PMS1: variants seen among roughly 807,000 people sequenced by gnomAD.
PMS1 encodes PMS1 protein homolog 1.
In PMS1, 79 loss-of-function variants were observed where a neutral mutation model predicts 93.1. The ratio of observed to expected loss-of-function variants is 0.85; its 90% CI spans 0.71 to 1.02. The LOEUF (loss-of-function observed/expected upper bound fraction) is 1.02. PMS1 is among the 50% of genes least tolerant of loss of function. The probability of loss-of-function intolerance (pLI) is 0.00; values close to 1 mark genes in which losing one functional copy is unlikely to be tolerated. For synonymous variants in PMS1, 335 were observed against 363.4 expected (o/e 0.92, Z 0.89); for missense variants, 1,064 against 1,085.3 (o/e 0.98, Z 0.28).
intron 2 of PMS1, among the ~76,000 whole-genome samples, chr2:189,793,761 A>G (rs937219358): frequency 6.6e-6 from 1 of 152,208 alleles, no homozygotes; most frequent in Non-Finnish European, 1.5e-5. Context: ...CTTGACATTT[A>G]CCAGTATTTG....
At chr2:189,807,738 A>G (rs556733142) in intron 4 of PMS1, among the ~76,000 whole-genome samples, 1 of 152,358 alleles carries the variant, frequency 6.6e-6, no homozygotes, top group Non-Finnish European at 1.5e-5. Flanking sequence ...TACCTTAAGT[A>G]AGTGAGACCA....
intron 2 of PMS1, among the ~76,000 whole-genome samples, chr2:189,793,483 A>G (rs1369608564): frequency 1.3e-5 from 2 of 152,244 alleles, no homozygotes; most frequent in African/African-American, 4.8e-5. Context: ...GAAAACAAGT[A>G]TATTAAATTA....
rs149684763 is a variant in PMS1 at position 189,871,695 on chromosome 2, A to G, written c.2474-1801A>G. Among the ~76,000 whole-genome samples the G allele has an allele frequency of 3.3e-5, 5 of 152,334 alleles. No individual in the cohort carries two copies. In the East Asian group the frequency reaches 5.8e-4, roughly 18 times the overall value. The stretch of plus-strand genomic sequence containing the variant: ...CTTACCCAGCTCCAAAACCACTTCT[A>G]CATCTTCAGTTATCTTTATAGCAGT... On this transcript the variant is annotated intron_variant, in intron 11 of 12. Transcript: ENST00000441310.
At position 189,852,732 on chromosome 2, in the gene PMS1, C is replaced by G. The variant is rs1324921247; in HGVS notation, c.777C>G (p.Phe259Leu). 3.1e-6 allele frequency: 5 copies of G among 1,592,646 alleles called. No individual in the cohort carries two copies. Among genetic ancestry groups the G allele is most frequent in the Non-Finnish European group, 4.3e-6 (5 of 1,160,948 alleles). The change falls in exon 7 of 13, where the codon TTC (phenylalanine) becomes TTG (leucine). Residue 259 changes from phenylalanine (F) to leucine (L), a missense_variant. Physicochemically the swap from Phe to Leu is conservative, Grantham distance 22. Transcript: ENST00000441310. Reference protein sequence around the residue: ...FTSLSTPERSFIFINSRPVHQ... With the variant: ...FTSLSTPERSLIFINSRPVHQ... The stretch of plus-strand genomic sequence containing the variant: ...GTCTTTCAACACCAGAAAGAAGTTT[C>G]ATCTTCATAAACAGTCGACCAGTAC...
At chr2:189,807,190 T>C (rs1444875424) in intron 4 of PMS1, 1 of 163,646 alleles carries the variant, frequency 6.1e-6, no homozygotes, top group Non-Finnish European at 1.3e-5. Context: ...TAGGAATTGA[T>C]ATTTTTGTTC....
In PMS1 at chr2:189,791,662, A is replaced by G. The variant is rs1326242820; in HGVS notation, c.-20-128A>G. On this transcript the variant is annotated intron_variant, in intron 1 of 12. Coordinates refer to ENST00000441310, the MANE Select transcript of PMS1 (RefSeq NM_000534.5). ...AGAAGACTTAATATTGTATGTGCTA[A>G]CAGTTGAGCGTAGCATACAGTAAGT... 5 of 679,662 alleles carry G rather than the reference A, an allele frequency of 7.4e-6. No homozygotes were observed. The Admixed American group carries it at 1.1e-4, about 15-fold the overall frequency. The allele number at this position is 679,662 out of a possible 1,614,324, so 42.1% of individuals were successfully genotyped here. A position where few individuals can be genotyped will look rare whatever the true frequency, so the allele number is the denominator to read the frequency against.
chr2:189,805,659 T>C lies in PMS1; in HGVS notation c.323T>C (p.Ile108Thr). 2 of 1,613,630 alleles carry C rather than the reference T, an allele frequency of 1.2e-6. No individual in the cohort carries two copies. Among genetic ancestry groups the C allele is most frequent in the Non-Finnish European group, 1.7e-6 (2 of 1,179,646 alleles). The change falls in exon 4 of 13, where the codon ATT becomes ACT. Residue 108 changes from isoleucine (I) to threonine (T), a missense_variant. By Grantham distance (89) the Ile-to-Thr change is moderately conservative. Transcript: ENST00000441310. ...GSICCIAEVL[I>T]TTRTAADNFS... ...GATGTTTTTTTCCCCCAGGTTTTAA[T>C]TACAACAAGAACGGCTGCTGATAAT... is the stretch of plus-strand genomic sequence containing the variant.
intron 5 of PMS1, among the ~76,000 whole-genome samples, chr2:189,835,621 A>G (rs1436873340): frequency 6.6e-6 from 1 of 152,170 alleles, no homozygotes; most frequent in Non-Finnish European, 1.5e-5. Flanking sequence ...CTTAGAAGTA[A>G]ACTTATGGTA....
At chr2:189,823,836 G>C (rs528853294) in intron 5 of PMS1, among the ~76,000 whole-genome samples, 2 of 152,078 alleles carry the variant, frequency 1.3e-5, no homozygotes, top group African/African-American at 2.4e-5. Flanking sequence ...TACACTTAGG[G>C]GTGTATCGTT....
Position 189,805,671 on chromosome 2 carries a change from CG to C in PMS1, c.337del (p.Ala113LeufsTer11). ...CIAEVLITTR[T>X]AADNFSTQYV... ...CCCCAGGTTTTAATTACAACAAGAA[CG>C]GCTGCTGATAATTTTAGCACCCAGT... On this transcript the variant is annotated frameshift_variant, in exon 4 of 13. Coordinates refer to ENST00000441310, the MANE Select transcript of PMS1 (RefSeq NM_000534.5). LOFTEE classifies it high-confidence loss of function. 6.2e-7 allele frequency: 1 copy of C among 1,613,424 alleles called. No homozygotes were observed. The highest frequency in any genetic ancestry group is 8.5e-7 in the Non-Finnish European group (1 of 1,179,542).
intron 6 of PMS1, among the ~76,000 whole-genome samples, chr2:189,847,421 T>C (rs2054345733): frequency 6.6e-6 from 1 of 152,152 alleles, no homozygotes; most frequent in African/African-American, 2.4e-5. Context: ...GTCTTTAATT[T>C]TTTCCATAAG....
At chr2:189,792,065 G>A (rs748948792) in intron 2 of PMS1, 124 bp downstream of exon 2, 8 of 814,026 alleles carry the variant, frequency 9.8e-6, no homozygotes, top group Non-Finnish European at 1.6e-5. Flanking sequence ...TAGGACATTG[G>A]ACCCTTTGTC....
chr2:189,795,598 TGCACCATAACTAGAAA>T (rs1233600764), intron 2 of PMS1, among the ~76,000 whole-genome samples, 155 bp from the exon 3 acceptor site: 1 of 152,242 alleles, frequency 6.6e-6, no homozygotes, highest in Non-Finnish European at 1.5e-5. Flanking sequence ...AGTTGCCTGT[TGCACCATAACTAGAAA>T]TTAGTAGAGC....
At chr2:189,786,984 T>C in intron 1 of PMS1, among the ~76,000 whole-genome samples, 1 of 151,704 alleles carries the variant, frequency 6.6e-6, no homozygotes, top group African/African-American at 2.4e-5. Flanking sequence ...ACCCGGGAGG[T>C]GGAGGCTGCA....
chr2:189,799,168 G>C (rs199689337), intron 3 of PMS1, among the ~76,000 whole-genome samples: 1 of 152,132 alleles, frequency 6.6e-6, no homozygotes, highest in African/African-American at 2.4e-5. Flanking sequence ...TTGCTCATCA[G>C]AATTACAAAA....
chr2:189,829,210 G>C (rs1014144559), intron 5 of PMS1, among the ~76,000 whole-genome samples: 1 of 152,142 alleles, frequency 6.6e-6, no homozygotes, highest in Non-Finnish European at 1.5e-5. Context: ...GTGATGGCTT[G>C]CACTCTGAAG....
At chr2:189,844,231 T>C in intron 6 of PMS1, 151 bp downstream of exon 6, 2 of 1,289,986 alleles carry the variant, frequency 1.6e-6, no homozygotes, top group South Asian at 3.1e-5. Context: ...ACAGAGCTTA[T>C]GTTAAACCTC....
chr2:189,825,624 ATAT>A (rs1194087842), intron 5 of PMS1, among the ~76,000 whole-genome samples: 1 of 152,190 alleles, frequency 6.6e-6, no homozygotes, highest in Admixed American at 6.5e-5. Flanking sequence ...TTTTCCAAAA[ATAT>A]TATTTGTGGT....
chr2:189,788,740 T>A (rs1364650633), intron 1 of PMS1, among the ~76,000 whole-genome samples: 2 of 152,186 alleles, frequency 1.3e-5, no homozygotes, highest in Admixed American at 6.5e-5. Flanking sequence ...AAAATTGATA[T>A]GATTTTTATT....
Sources: allele counts gnomAD v4.1 joint callset (sites outside exome capture counted in the v4.1 genomes callset), GRCh38; gene constraint gnomAD v4.1.1; transcripts MANE v1.5; gene names NCBI Gene and HGNC (gene_info 2026-07-23, HGNC 2026-07-21).